KCNH8: variants seen among roughly 807,000 people sequenced by gnomAD.
KCNH8 encodes the protein voltage-gated delayed rectifier potassium channel KCNH8.
A neutral mutation model predicts 103.6 loss-of-function variants in KCNH8; 70 were observed. That is an observed-to-expected ratio of 0.68 (90% CI 0.56 to 0.82). The LOEUF is 0.82. Ranked by LOEUF, KCNH8 falls within the 40% of genes least tolerant of loss-of-function variation. The probability of loss-of-function intolerance (pLI) is 0.00; values close to 1 mark genes in which losing one functional copy is unlikely to be tolerated. For synonymous variants in KCNH8, 498 were observed against 489.4 expected, an observed-to-expected ratio of 1.02 and a Z score of -0.23; for missense variants, 1,217 against 1,329.9, an observed-to-expected ratio of 0.92 and a Z score of 1.32.
At chr3:19,373,417 C>A (rs1237163952) in intron 5 of KCNH8, among the ~76,000 whole-genome samples, 1 of 152,144 alleles carries the variant, frequency 6.6e-6, no homozygotes, top group African/African-American at 2.4e-5. Context: ...TTGTAGTATT[C>A]TCTGGTGGTA....
intron 5 of KCNH8, among the ~76,000 whole-genome samples, chr3:19,368,817 G>T (rs528612764): frequency 1.3e-5 from 2 of 151,960 alleles, no homozygotes; most frequent in East Asian, 3.9e-4. Context: ...TAAAACAGAT[G>T]GTCTCGTCAA....
At chr3:19,238,440 A>G (rs1304951138) in intron 1 of KCNH8, among the ~76,000 whole-genome samples, 1 of 152,228 alleles carries the variant, frequency 6.6e-6, no homozygotes, top group Non-Finnish European at 1.5e-5. Flanking sequence ...AAAAGAAAAA[A>G]ATATCCAGGA....
chr3:19,399,022 C>T lies in KCNH8; in HGVS notation c.1177+3711C>T, dbSNP rs964601316. Among the ~76,000 whole-genome samples the T allele has an allele frequency of 3.3e-5, 5 of 151,966 alleles. No individual in the cohort carries two copies. In the South Asian group the frequency reaches 8.3e-4, roughly 25 times the overall value. On this transcript the variant is annotated intron_variant, in intron 7 of 15. Coordinates refer to ENST00000328405, the MANE Select transcript of KCNH8 (RefSeq NM_144633.3). ...AAAGTCAGCCTCTGAAAAATGTTTA[C>T]ATAGGCTCACAATTGCACATACGTA...
intron 11 of KCNH8, among the ~76,000 whole-genome samples, chr3:19,495,522 C>T (rs906793357): frequency 2.6e-5 from 4 of 152,022 alleles, no homozygotes; most frequent in African/African-American, 9.7e-5. Flanking sequence ...TGTAGGTGTG[C>T]AGCCTTATTT....
intron 5 of KCNH8, among the ~76,000 whole-genome samples, chr3:19,354,225 A>C (rs998283876): frequency 1.3e-5 from 2 of 152,184 alleles, no homozygotes; most frequent in Admixed American, 1.3e-4. Context: ...TCATCGAAGT[A>C]AAAGAGGACA....
intron 11 of KCNH8, among the ~76,000 whole-genome samples, chr3:19,492,173 G>A (rs1481754929): frequency 2.0e-5 from 3 of 152,064 alleles, no homozygotes; most frequent in Non-Finnish European, 4.4e-5. Flanking sequence ...AAGCTCTTTA[G>A]TTTAATTAGA....
chr3:19,515,260 T>C (rs1161464214), intron 13 of KCNH8, 62 bp from the exon 14 acceptor site: 15 of 916,856 alleles, frequency 1.6e-5, no homozygotes, highest in Non-Finnish European at 2.4e-5. Flanking sequence ...TTTAACTCTT[T>C]AAAAATACTG....
At chr3:19,341,443 C>T (rs1286741566) in intron 3 of KCNH8, among the ~76,000 whole-genome samples, 1 of 152,024 alleles carries the variant, frequency 6.6e-6, no homozygotes, top group East Asian at 1.9e-4. Context: ...GTGGTCCTCT[C>T]CTGCACTGTT....
intron 3 of KCNH8, among the ~76,000 whole-genome samples, chr3:19,305,166 A>C (rs2065114465): frequency 6.6e-6 from 1 of 152,132 alleles, no homozygotes; most frequent in Non-Finnish European, 1.5e-5. Flanking sequence ...TCTCAAGAGG[A>C]GTACTGGGAG....
chr3:19,449,043 A>T (rs1427883090), intron 8 of KCNH8: 1 of 998,134 alleles, frequency 1.0e-6, no homozygotes, highest in East Asian at 6.1e-5. Context: ...ACCTTCTCTG[A>T]CTTGATGATA....
At chr3:19,278,510 G>A (rs558694322) in intron 2 of KCNH8, among the ~76,000 whole-genome samples, 1 of 117,790 alleles carries the variant, frequency 8.5e-6, no homozygotes, top group East Asian at 3.0e-4. Flanking sequence ...GGGAGGGAGG[G>A]AGGGAAGGAA....
chr3:19,340,338 T>G (rs1175499100), intron 3 of KCNH8, among the ~76,000 whole-genome samples: 1 of 112,608 alleles, frequency 8.9e-6, no homozygotes, highest in Non-Finnish European at 1.8e-5. Flanking sequence ...TTCAATTTAT[T>G]TTTTTTATTT....
chr3:19,345,122 G>A (rs2065712719), intron 4 of KCNH8, among the ~76,000 whole-genome samples: 2 of 152,188 alleles, frequency 1.3e-5, no homozygotes, highest in South Asian at 4.1e-4. Context: ...CTTGAAAAAG[G>A]TGTTTTCAAA....
chr3:19,342,292 G>A (rs763580475), intron 3 of KCNH8, among the ~76,000 whole-genome samples: 1 of 152,084 alleles, frequency 6.6e-6, no homozygotes, highest in African/African-American at 2.4e-5. Flanking sequence ...TTTCAGTGTA[G>A]AATAGCAGGA....
At chr3:19,350,728 G>A (rs925304299) in intron 5 of KCNH8, among the ~76,000 whole-genome samples, 4 of 152,062 alleles carry the variant, frequency 2.6e-5, no homozygotes, top group South Asian at 2.1e-4. Flanking sequence ...CCATCTGTAC[G>A]TCACCATCAT....
chr3:19,310,715 G>C (rs2065197014), intron 3 of KCNH8, among the ~76,000 whole-genome samples: 1 of 151,720 alleles, frequency 6.6e-6, no homozygotes, highest in Non-Finnish European at 1.5e-5. Flanking sequence ...TTTCTTAACA[G>C]AGTAATTTTA....
chr3:19,172,454 G>A (rs2063357592), intron 1 of KCNH8, among the ~76,000 whole-genome samples: 2 of 152,042 alleles, frequency 1.3e-5, no homozygotes, highest in African/African-American at 4.8e-5. Flanking sequence ...AATAGAAAGT[G>A]TTTTTCTATT....
chr3:19,410,844 C>T (rs1385448689), intron 7 of KCNH8, among the ~76,000 whole-genome samples: 1 of 140,264 alleles, frequency 7.1e-6, no homozygotes, highest in Non-Finnish European at 1.5e-5. Flanking sequence ...ATATTGAGTT[C>T]CAAAATTGAA....
intron 3 of KCNH8, among the ~76,000 whole-genome samples, chr3:19,283,569 C>T (rs936213998): frequency 2.6e-5 from 4 of 151,658 alleles, no homozygotes; most frequent in African/African-American, 9.7e-5. Context: ...CTATTGCTAC[C>T]TTATTATAAA....
Sources: allele counts gnomAD v4.1 joint callset (sites outside exome capture counted in the v4.1 genomes callset), GRCh38; gene constraint gnomAD v4.1.1; transcripts MANE v1.5; gene names NCBI Gene and HGNC (gene_info 2026-07-23, HGNC 2026-07-21).